The following GDE1 variants were observed in gnomAD, a reference collection of about 807,000 sequenced individuals.
The protein encoded by GDE1 is RGS16-interacting membrane protein.
GDE1 carries 24 observed loss-of-function variants against 32.2 expected under a neutral mutation model. That is an observed-to-expected ratio of 0.75 (90% CI 0.54 to 1.05). The LOEUF (loss-of-function observed/expected upper bound fraction) is 1.05. Among genes scored for constraint, GDE1 ranks in the 50% least tolerant of loss-of-function variants. GDE1 has a pLI of 0.00. For synonymous variants in GDE1, 159 were observed against 158.6 expected, an observed-to-expected ratio of 1.00 and a Z score of -0.02; for missense variants, 380 against 415.0, an observed-to-expected ratio of 0.92 and a Z score of 0.73.
At chr16:19,504,241 C>T (rs1969216009) in intron 5 of GDE1, 1 of 152,964 alleles carries the variant, frequency 6.5e-6, no homozygotes, top group Non-Finnish European at 1.5e-5. Flanking sequence ...CTCTCACTCT[C>T]CCACTTGGCT....
chr16:19,503,312 G>C lies in GDE1; in HGVS notation c.*158C>G, dbSNP rs773525301. ...TGCCATGGTGCATGGTGGCAACACC[G>C]GGTTTAGCTTTGGTTCAGGTAAAAA... On this transcript the variant is annotated 3_prime_UTR_variant, in exon 6 of 6. Coordinates refer to ENST00000353258, the MANE Select transcript of GDE1 (RefSeq NM_016641.4). 1 of 646,008 alleles carries C rather than the reference G, an allele frequency of 1.5e-6. No homozygotes were observed. The highest frequency in any genetic ancestry group is 2.7e-6 in the Non-Finnish European group (1 of 375,512). The allele number at this position is 646,008 out of a possible 1,614,324, so 40.0% of individuals were successfully genotyped here.
intron 4 of GDE1, among the ~76,000 whole-genome samples, chr16:19,506,551 C>CT (rs747957166): frequency 1.3e-5 from 2 of 152,118 alleles, no homozygotes; most frequent in Non-Finnish European, 2.9e-5. Context: ...ACTCAGGAGG[C>CT]TGAGGCAAGA....
Position 19,507,719 on chromosome 16 carries a change from C to A in GDE1, c.604G>T (p.Val202Phe), listed in dbSNP as rs1969266112. ...ATAACTTCTGGCAAGAAAGAACAGA[C>A]CACACTATTATTATACAGTTGAGGA... Reference protein sequence around the residue: ...EFPQLYNNSVVCSFLPEVIYK... With the variant: ...EFPQLYNNSVFCSFLPEVIYK... The change falls in exon 4 of 6, where the codon GTC becomes TTC. Residue 202 changes from valine (V) to phenylalanine (F), a missense_variant. Transcript: ENST00000353258. 1 of 1,583,798 alleles carries A rather than the reference C, an allele frequency of 6.3e-7. No individual in the cohort carries two copies. Among genetic ancestry groups the A allele is most frequent in the Non-Finnish European group, 8.7e-7 (1 of 1,152,588 alleles).
intron 1 of GDE1, among the ~76,000 whole-genome samples, chr16:19,519,530 T>C (rs1378253793): frequency 6.6e-6 from 1 of 151,898 alleles, no homozygotes; most frequent in East Asian, 1.9e-4. Flanking sequence ...TTATATGCAC[T>C]GGGAAACCAA....
chr16:19,520,694 C>T (rs1419227982), intron 1 of GDE1, among the ~76,000 whole-genome samples: 1 of 149,198 alleles, frequency 6.7e-6, no homozygotes, highest in Non-Finnish European at 1.5e-5. Context: ...CACTGCCCTC[C>T]AGCCTGGGTA....
intron 4 of GDE1, 76 bp downstream of exon 4, chr16:19,507,611 T>C (rs1346160147): frequency 1.3e-6 from 1 of 789,210 alleles, no homozygotes; most frequent in East Asian, 2.4e-5. Context: ...TAGGCATCTA[T>C]CCTGTGCTTA....
intron 3 of GDE1, among the ~76,000 whole-genome samples, chr16:19,509,967 A>G (rs1969296868): frequency 6.6e-6 from 1 of 151,946 alleles, no homozygotes; most frequent in Non-Finnish European, 1.5e-5. Flanking sequence ...GGGTTTTAAC[A>G]ACTGGTTTCA....
intron 4 of GDE1, among the ~76,000 whole-genome samples, chr16:19,506,657 G>C (rs1450848808): frequency 6.6e-6 from 1 of 152,048 alleles, no homozygotes; most frequent in Non-Finnish European, 1.5e-5. Context: ...AACAAAAAAA[G>C]ATTTACGATT....
chr16:19,503,303 G>A lies in GDE1; in HGVS notation c.*167C>T. On this transcript the variant is annotated 3_prime_UTR_variant, in exon 6 of 6. Coordinates refer to ENST00000353258, the MANE Select transcript of GDE1 (RefSeq NM_016641.4). Reference sequence around the variant, plus strand: ...ACTCTGGCATGCCATGGTGCATGGTGGCAACACCGGGTTTAGCTTTGGTTC... The same window carrying A: ...ACTCTGGCATGCCATGGTGCATGGTAGCAACACCGGGTTTAGCTTTGGTTC... The A allele has an allele frequency of 1.6e-6, 1 of 629,482 alleles. No individual in the cohort carries two copies. The highest frequency in any genetic ancestry group is 2.9e-5 in the Admixed American group (1 of 33,986). The allele number at this position is 629,482 out of a possible 1,614,324, so 39.0% of individuals were successfully genotyped here.
intron 2 of GDE1, among the ~76,000 whole-genome samples, chr16:19,514,331 C>A (rs1339596767): frequency 1.3e-5 from 2 of 152,286 alleles, no homozygotes; most frequent in African/African-American, 4.8e-5. Flanking sequence ...AGTGCTCCAT[C>A]ATTCAGGAAC....
At chr16:19,515,862 G>A (rs563742191) in intron 2 of GDE1, among the ~76,000 whole-genome samples, 27 of 152,164 alleles carry the variant, frequency 1.8e-4, no homozygotes, top group African/African-American at 6.0e-4. Context: ...TAACCAGTGA[G>A]CACACCCTTT....
intron 2 of GDE1, among the ~76,000 whole-genome samples, 190 bp downstream of exon 2, chr16:19,516,824 G>A (rs546852605): frequency 6.6e-6 from 1 of 152,312 alleles, no homozygotes; most frequent in East Asian, 1.9e-4. Context: ...TTTAGCCTCA[G>A]TGGGAAAGAT....
In GDE1 at chr16:19,517,076, T is replaced by G. The variant is rs1184001775; in HGVS notation, c.375A>C (p.Arg125=). The change falls in exon 2 of 6, where the codon CGA becomes CGC. Residue 125 remains arginine, a synonymous_variant. Transcript: ENST00000353258. The stretch of plus-strand genomic sequence containing the variant: ...TTTGTTCAAATGTCAAATCACACAA[T>G]CGCCCAGTCCCATCAGTCGTCCTAT... ...TVDRTTDGTG[R]LCDLTFEQIR... 3 of 1,614,140 alleles carry G rather than the reference T, an allele frequency of 1.9e-6. No individual in the cohort carries two copies. The highest frequency in any genetic ancestry group is 2.5e-6 in the Non-Finnish European group (3 of 1,180,004).
chr16:19,504,543 C>G (rs1969219822), intron 5 of GDE1: 1 of 208,742 alleles, frequency 4.8e-6, no homozygotes, highest in Non-Finnish European at 9.7e-6. Context: ...CTGGTGCCCA[C>G]AGGATGTCTT....
At chr16:19,515,964 T>C (rs994909479) in intron 2 of GDE1, among the ~76,000 whole-genome samples, 1 of 152,168 alleles carries the variant, frequency 6.6e-6, no homozygotes, top group African/African-American at 2.4e-5. Context: ...CCAAGGGTGT[T>C]TACCGCTGTA....
intron 2 of GDE1, among the ~76,000 whole-genome samples, chr16:19,515,189 C>T (rs2151448531): frequency 6.6e-6 from 1 of 152,202 alleles, no homozygotes; most frequent in South Asian, 2.1e-4. Flanking sequence ...ATTCCTTTGG[C>T]TGATCTTAGT....
chr16:19,517,873 C>T lies in GDE1; in HGVS notation c.262-684G>A, dbSNP rs151038408. 1.5e-3 allele frequency among the ~76,000 whole-genome samples: 233 copies of T among 151,674 alleles called. 1 individual carries two copies. The highest frequency in any genetic ancestry group is 3.5e-3 in the Middle Eastern group (1 of 288). On this transcript the variant is annotated intron_variant, in intron 1 of 5. Transcript: ENST00000353258. ...CAATAAAGATGTGAAATGCTCATTACGATGAAGATTTCTTTCTTTTTTTTT... is the reference window on the plus strand; with the variant it reads ...CAATAAAGATGTGAAATGCTCATTATGATGAAGATTTCTTTCTTTTTTTTT...
chr16:19,516,238 TG>T (rs1395677326), intron 2 of GDE1, among the ~76,000 whole-genome samples: 1 of 152,116 alleles, frequency 6.6e-6, no homozygotes, highest in African/African-American at 2.4e-5. Context: ...TGAAAGACAT[TG>T]GGGGCAGCTA....
chr16:19,512,927 T>TTGTGTGTGTGTGTGTGTGTG (rs144957791), intron 2 of GDE1, among the ~76,000 whole-genome samples: 57 of 137,096 alleles, frequency 4.2e-4, no homozygotes, highest in South Asian at 9.9e-4. Context: ...TGTATCTGTT[T>TTGTGTGTGTGTGTGTGTGTG]TGTGTGTGTG....
Sources: allele counts gnomAD v4.1 joint callset (sites outside exome capture counted in the v4.1 genomes callset), GRCh38; gene constraint gnomAD v4.1.1; transcripts MANE v1.5; gene names NCBI Gene and HGNC (gene_info 2026-07-23, HGNC 2026-07-21).